The following SV2C variants were observed in gnomAD, a reference collection of about 807,000 sequenced individuals.
SV2C encodes synaptic vesicle glycoprotein 2C.
Under a neutral mutation model 79.7 loss-of-function variants are expected in SV2C, and 49 were observed. The ratio of observed to expected loss-of-function variants is 0.61; its 90% CI spans 0.49 to 0.78. SV2C has a LOEUF of 0.78. Among genes scored for constraint, SV2C ranks in the 30% least tolerant of loss-of-function variants. The pLI is 0.00. For synonymous variants in SV2C, 334 were observed against 333.2 expected, an observed-to-expected ratio of 1.00 and a Z score of -0.03; for missense variants, 833 against 912.9, an observed-to-expected ratio of 0.91 and a Z score of 1.13.
the SV2C span, among the ~76,000 whole-genome samples, chr5:76,066,630 G>C: frequency 6.6e-6 from 1 of 151,796 alleles, no homozygotes; most frequent in African/African-American, 2.4e-5. Flanking sequence ...GAAAAAAAAA[G>C]AACCAGAATT....
chr5:76,318,458 A>AAAT (rs1380188254), intron 12 of SV2C, among the ~76,000 whole-genome samples: 2 of 152,102 alleles, frequency 1.3e-5, no homozygotes, highest in African/African-American at 4.8e-5. Context: ...GAAACAATAT[A>AAAT]AATAAACTAG....
At chr5:76,242,404 G>C (rs539165568) in intron 4 of SV2C, 2 of 693,496 alleles carry the variant, frequency 2.9e-6, no homozygotes, top group Non-Finnish European at 5.0e-6. Flanking sequence ...ACACTGCTCC[G>C]GTCTCAATCT....
chr5:76,315,475 G>A (rs1205957871), intron 12 of SV2C, among the ~76,000 whole-genome samples: 1 of 152,076 alleles, frequency 6.6e-6, no homozygotes. Flanking sequence ...AGTAACATAG[G>A]TATCTGTACC....
At chr5:76,057,339 A>C in the SV2C span, among the ~76,000 whole-genome samples, 2 of 151,648 alleles carry the variant, frequency 1.3e-5, no homozygotes, top group Admixed American at 6.6e-5. Flanking sequence ...TTAACTCATC[A>C]TTTACATTAG....
chr5:75,981,756 A>G, the SV2C span, among the ~76,000 whole-genome samples: 1 of 152,148 alleles, frequency 6.6e-6, no homozygotes, highest in South Asian at 2.1e-4. Context: ...ACCCAAAACT[A>G]CAAAAACCCT....
At chr5:76,231,485 G>A (rs529196759) in intron 4 of SV2C, among the ~76,000 whole-genome samples, 30 of 151,474 alleles carry the variant, frequency 2.0e-4, no homozygotes, top group African/African-American at 7.3e-4. Flanking sequence ...TGTGCACATT[G>A]TGCAGGTTAG....
the SV2C span, among the ~76,000 whole-genome samples, chr5:75,973,187 A>AG: frequency 6.7e-6 from 1 of 149,952 alleles, no homozygotes; most frequent in African/African-American, 2.5e-5. Flanking sequence ...GGGGTGGGGA[A>AG]GGGGGGAGGG....
chr5:75,922,733 A>G, the SV2C span, among the ~76,000 whole-genome samples: 1 of 152,236 alleles, frequency 6.6e-6, no homozygotes, highest in Non-Finnish European at 1.5e-5. Flanking sequence ...ACTCAGAGTG[A>G]CACTTCAGCT....
intron 2 of SV2C, among the ~76,000 whole-genome samples, chr5:76,162,132 A>C (rs1225005634): frequency 6.6e-6 from 1 of 152,216 alleles, no homozygotes; most frequent in Non-Finnish European, 1.5e-5. Flanking sequence ...TAGGTTAATA[A>C]GATTATAGCA....
chr5:76,131,971 G>A lies in SV2C; in HGVS notation c.221G>A (p.Gly74Asp), dbSNP rs200962672. 1.9e-6 allele frequency: 3 copies of A among 1,613,958 alleles called. No individual in the cohort carries two copies. The highest frequency in any genetic ancestry group is 2.5e-6 in the Non-Finnish European group (3 of 1,179,942). Residue 74 changes from glycine to aspartate, a missense_variant, in exon 2 of 13, where the codon GGC becomes GAC. Gly to Asp is a moderately conservative substitution (Grantham distance 94). Coordinates refer to ENST00000502798, the MANE Select transcript of SV2C (RefSeq NM_014979.4). ...TYNGEANDDE[G>D]SSEATEGHDE... The stretch of plus-strand genomic sequence containing the variant: ...AATGGTGAGGCCAACGATGACGAAG[G>A]CTCAAGTGAAGCCACTGAGGGGCAT...
intron 2 of SV2C, among the ~76,000 whole-genome samples, chr5:76,190,600 C>A (rs1010621139): frequency 8.5e-5 from 13 of 152,136 alleles, no homozygotes; most frequent in Non-Finnish European, 1.3e-4. Context: ...CAGAAATGAA[C>A]ACAGAAGTCC....
chr5:75,990,391 C>T, the SV2C span, among the ~76,000 whole-genome samples: 1 of 151,828 alleles, frequency 6.6e-6, no homozygotes, highest in African/African-American at 2.4e-5. Flanking sequence ...AATAAGCCAC[C>T]ATTTTAAATT....
At chr5:76,345,333 G>A (rs1332817226) in intron 12 of SV2C, among the ~76,000 whole-genome samples, 2 of 152,242 alleles carry the variant, frequency 1.3e-5, no homozygotes, top group African/African-American at 4.8e-5. Context: ...GTCGCCATGT[G>A]CATGGCACTG....
intron 4 of SV2C, chr5:76,280,990 A>C (rs1580016660): frequency 1.9e-6 from 1 of 539,146 alleles, no homozygotes; most frequent in East Asian, 5.4e-5. Flanking sequence ...CAGGAAGCAA[A>C]GCACAGGGAG....
chr5:76,215,353 G>A (rs970343151), intron 4 of SV2C, among the ~76,000 whole-genome samples: 2 of 152,132 alleles, frequency 1.3e-5, no homozygotes, highest in Non-Finnish European at 2.9e-5. Flanking sequence ...AGAACAGTGA[G>A]CCTGATCTGT....
chr5:75,916,136 A>G, the SV2C span, among the ~76,000 whole-genome samples: 105 of 152,280 alleles, frequency 6.9e-4, no homozygotes, highest in Middle Eastern at 3.4e-3. Flanking sequence ...AGTCAACACA[A>G]TCATTCAGTG....
At chr5:75,967,473 T>G in the SV2C span, among the ~76,000 whole-genome samples, 1 of 152,180 alleles carries the variant, frequency 6.6e-6, no homozygotes, top group Non-Finnish European at 1.5e-5. Flanking sequence ...ACTCTCACCC[T>G]AATACTGCAC....
chr5:76,175,083 T>C (rs1743481658), intron 2 of SV2C, among the ~76,000 whole-genome samples: 1 of 152,112 alleles, frequency 6.6e-6, no homozygotes, highest in Admixed American at 6.5e-5. Flanking sequence ...GGGGGCATGG[T>C]GAGAGATACC....
At chr5:75,940,680 C>T in the SV2C span, among the ~76,000 whole-genome samples, 2 of 151,970 alleles carry the variant, frequency 1.3e-5, no homozygotes, top group Non-Finnish European at 2.9e-5. Context: ...TGTACCAAAT[C>T]GATGAAAGAG....
Sources: gnomAD v4.1 joint callset for allele counts (sites outside exome capture counted in the v4.1 genomes callset) on GRCh38, gnomAD v4.1.1 for gene constraint, MANE v1.5 for transcripts, NCBI Gene and HGNC (gene_info 2026-07-23, HGNC 2026-07-21) for gene names.